AGK: variants seen among roughly 807,000 people sequenced by gnomAD.
AGK encodes acylglycerol kinase, mitochondrial.
A neutral mutation model predicts 66.4 loss-of-function variants in AGK; 52 were observed. The ratio of observed to expected loss-of-function variants is 0.78; its 90% CI spans 0.63 to 0.99. The LOEUF is 0.99. AGK is among the 50% of genes least tolerant of loss of function. The pLI is 0.00. For synonymous variants in AGK, 182 were observed against 181.1 expected, an observed-to-expected ratio of 1.00 and a Z score of -0.04; for missense variants, 451 against 506.6, an observed-to-expected ratio of 0.89 and a Z score of 1.05.
At chr7:141,630,545 T>A (rs1264195866) in intron 9 of AGK, among the ~76,000 whole-genome samples, 1 of 152,194 alleles carries the variant, frequency 6.6e-6, no homozygotes, top group Non-Finnish European at 1.5e-5. Flanking sequence ...TTAAAAATAA[T>A]AATTTATGTT....
At chr7:141,613,341 G>T (rs1358460292) in intron 6 of AGK, among the ~76,000 whole-genome samples, 1 of 152,186 alleles carries the variant, frequency 6.6e-6, no homozygotes, top group Non-Finnish European at 1.5e-5. Flanking sequence ...ATCTGGGGCT[G>T]GGTGTGGTGG....
chr7:141,590,132 A>G (rs1796079678), intron 2 of AGK, among the ~76,000 whole-genome samples: 1 of 152,196 alleles, frequency 6.6e-6, no homozygotes, highest in African/African-American at 2.4e-5. Flanking sequence ...AGGGAAAAAA[A>G]TGATCTAAGG....
intron 3 of AGK, 45 bp downstream of exon 3, chr7:141,593,230 A>G: frequency 1.9e-6 from 3 of 1,566,444 alleles, no homozygotes; most frequent in Non-Finnish European, 2.6e-6. Flanking sequence ...CCTTATCTTC[A>G]TTGTGCAGAA....
intron 2 of AGK, among the ~76,000 whole-genome samples, chr7:141,587,852 G>A (rs4725559): frequency 0.37 from 55,567 of 152,006 alleles, 11,285 homozygotes; most frequent in East Asian, 0.54. Context: ...ATTCACCAGC[G>A]TGTCCAAGAC....
intron 14 of AGK, among the ~76,000 whole-genome samples, chr7:141,649,965 C>T (rs1797516079): frequency 6.6e-6 from 1 of 152,218 alleles, no homozygotes; most frequent in Non-Finnish European, 1.5e-5. Flanking sequence ...TAAGTCCTAC[C>T]TCTGCCAGAA....
Position 141,646,012 on chromosome 7 carries a change from CAGTG to C in AGK, c.976-3248_976-3245del, listed in dbSNP as rs1797402586. Among the ~76,000 whole-genome samples the C allele has an allele frequency of 7.9e-5, 12 of 152,108 alleles. No individual in the cohort carries two copies. The South Asian group carries it at 2.5e-3, about 32-fold the overall frequency. ...AGTCCAGAGAGCAAGAAGTTGAACA[CAGTG>C]AGCCTGATGCTTGCCCGAGGTGACT... On this transcript the variant is annotated intron_variant, in intron 13 of 15. Coordinates refer to ENST00000649286, the MANE Select transcript of AGK (RefSeq NM_018238.4).
intron 2 of AGK, among the ~76,000 whole-genome samples, chr7:141,582,168 T>C (rs1006827645): frequency 1.3e-5 from 2 of 151,990 alleles, no homozygotes; most frequent in African/African-American, 4.8e-5. Flanking sequence ...AGTGGGGTCC[T>C]GTACAGATGG....
chr7:141,587,538 C>T (rs542241731), intron 2 of AGK, among the ~76,000 whole-genome samples: 4 of 152,292 alleles, frequency 2.6e-5, no homozygotes, highest in East Asian at 1.9e-4. Flanking sequence ...CCAGCGGTTC[C>T]GAACTACTTT....
intron 4 of AGK, among the ~76,000 whole-genome samples, chr7:141,600,264 T>C (rs868109906): frequency 7.2e-5 from 11 of 152,276 alleles, no homozygotes; most frequent in African/African-American, 2.4e-4. Context: ...GGTCAACTAA[T>C]TGGTATGTTT....
At chr7:141,570,428 T>C (rs1795574757) in intron 2 of AGK, among the ~76,000 whole-genome samples, 1 of 152,174 alleles carries the variant, frequency 6.6e-6, no homozygotes, top group African/African-American at 2.4e-5. Flanking sequence ...AAGGCACTAC[T>C]ATGTGCTATG....
At chr7:141,631,263 A>C (rs1270643222) in intron 9 of AGK, among the ~76,000 whole-genome samples, 1 of 152,184 alleles carries the variant, frequency 6.6e-6, no homozygotes, top group Non-Finnish European at 1.5e-5. Context: ...GATAATGTAG[A>C]GAAGGTTGTT....
rs1422440957 is a variant in AGK, at chr7:141,644,555, T to TTATA, written c.975+2648_975+2651dup. On this transcript the variant is annotated intron_variant, in intron 13 of 15. Coordinates refer to ENST00000649286, the MANE Select transcript of AGK (RefSeq NM_018238.4). Reference sequence around the variant, plus strand: ...TAGAATGTGTGAAAATTAGGATCTCTTATACAACTATGCTCACTGTATAAT... The same window carrying TTATA: ...TAGAATGTGTGAAAATTAGGATCTCTTATATATACAACTATGCTCACTGTATAAT... Among the ~76,000 whole-genome samples the TTATA allele has an allele frequency of 2.0e-5, 3 of 152,318 alleles. No individual in the cohort carries two copies. In the East Asian group the frequency reaches 5.8e-4, roughly 29 times the overall value.
intron 15 of AGK, 101 bp downstream of exon 15, chr7:141,651,710 C>G: frequency 9.0e-7 from 1 of 1,107,080 alleles, no homozygotes; most frequent in Non-Finnish European, 1.4e-6. Context: ...CTGACCTAGA[C>G]TTAGGCACAT....
chr7:141,624,972 C>T (rs1796904909), intron 9 of AGK, among the ~76,000 whole-genome samples: 1 of 152,156 alleles, frequency 6.6e-6, no homozygotes, highest in Admixed American at 6.5e-5. Context: ...CACATCCACC[C>T]CAACCTTCAG....
intron 5 of AGK, among the ~76,000 whole-genome samples, chr7:141,607,608 G>GT (rs1796493102): frequency 6.6e-6 from 1 of 151,912 alleles, no homozygotes; most frequent in Admixed American, 6.6e-5. Flanking sequence ...TTATAATAGT[G>GT]TTTTTCATAG....
chr7:141,593,402 C>G, intron 3 of AGK: 1 of 703,336 alleles, frequency 1.4e-6, no homozygotes, highest in Non-Finnish European at 2.6e-6. Context: ...CCCCTATAGA[C>G]TGTTTGTTTC....
intron 2 of AGK, among the ~76,000 whole-genome samples, chr7:141,588,266 G>C (rs918591698): frequency 8.5e-5 from 13 of 152,208 alleles, no homozygotes; most frequent in Admixed American, 4.6e-4. Context: ...GACCCCAAGA[G>C]AGGGTTCTTA....
chr7:141,637,464 G>T (rs189149262), intron 11 of AGK, among the ~76,000 whole-genome samples: 30 of 152,202 alleles, frequency 2.0e-4, no homozygotes, highest in African/African-American at 6.7e-4. Context: ...ATGGGCGGTG[G>T]TTACTGTATT....
chr7:141,609,724 G>C (rs1007542250), intron 5 of AGK, among the ~76,000 whole-genome samples: 3 of 152,180 alleles, frequency 2.0e-5, no homozygotes, highest in African/African-American at 7.2e-5. Flanking sequence ...GGGGCTAAAA[G>C]TTCCAACCCT....
Sources: gnomAD v4.1 joint callset for allele counts (sites outside exome capture counted in the v4.1 genomes callset) on GRCh38, gnomAD v4.1.1 for gene constraint, MANE v1.5 for transcripts, NCBI Gene and HGNC (gene_info 2026-07-23, HGNC 2026-07-21) for gene names.